Variants in PSD3 observed in about 807,000 individuals in gnomAD.
PSD3 encodes the protein PH and SEC7 domain-containing protein 3.
A neutral mutation model predicts 105.5 loss-of-function variants in PSD3; 49 were observed. The ratio of observed to expected loss-of-function variants is 0.46; its 90% CI spans 0.37 to 0.59. The LOEUF is 0.59. Among genes scored for constraint, PSD3 ranks in the 20% least tolerant of loss-of-function variants. The pLI is 0.00. For missense variants in PSD3, 1,561 were observed against 1,263.8 expected (o/e 1.24, Z -3.57); for synonymous variants, 557 against 457.8 (o/e 1.22, Z -2.77).
At chr8:18,866,969 C>T (rs749676622) in intron 4 of PSD3, among the ~76,000 whole-genome samples, 3 of 151,900 alleles carry the variant, frequency 2.0e-5, no homozygotes, top group Non-Finnish European at 2.9e-5. Context: ...CTGAGGATGA[C>T]GAGCATGAAG....
intron 9 of PSD3, among the ~76,000 whole-genome samples, chr8:18,728,909 T>C (rs1397521658): frequency 6.6e-6 from 1 of 152,202 alleles, no homozygotes; most frequent in African/African-American, 2.4e-5. Flanking sequence ...CACATGTCAG[T>C]TCTGCTTCTC....
chr8:18,820,926 T>C (rs950760132), intron 4 of PSD3, among the ~76,000 whole-genome samples: 2 of 152,226 alleles, frequency 1.3e-5, no homozygotes, highest in East Asian at 3.9e-4. Context: ...ATTTTTAAAA[T>C]GTTTGTAGAC....
In PSD3 at chr8:18,753,936, G is replaced by A. The variant is rs144436749; in HGVS notation, c.2172+11513C>T. ...AAAACAACTCCAGATGTACCATTTG[G>A]AGACCTAGTGCCCTTTAAGGTTGCA... On this transcript the variant is annotated intron_variant, in intron 9 of 15. Coordinates refer to ENST00000327040, the MANE Select transcript of PSD3 (RefSeq NM_015310.4). Among the ~76,000 whole-genome samples the A allele has an allele frequency of 7.2e-3, 1,101 of 152,222 alleles. 12 individuals are homozygous for A. The highest frequency in any genetic ancestry group is 0.024 in the Middle Eastern group (7 of 294).
chr8:18,946,305 G>A (rs1251370440), intron 1 of PSD3, among the ~76,000 whole-genome samples: 7 of 152,142 alleles, frequency 4.6e-5, no homozygotes, highest in African/African-American at 1.4e-4. Flanking sequence ...GGCCAGGTGC[G>A]GTGGCTCATG....
At chr8:18,869,251 G>A (rs967131544) in intron 3 of PSD3, among the ~76,000 whole-genome samples, 5 of 148,022 alleles carry the variant, frequency 3.4e-5, no homozygotes, top group Non-Finnish European at 7.4e-5. Flanking sequence ...GTGCATTGGT[G>A]CAATCTCGGC....
intron 4 of PSD3, among the ~76,000 whole-genome samples, chr8:18,848,197 A>AT (rs1815255278): frequency 6.6e-6 from 1 of 152,212 alleles, no homozygotes; most frequent in Non-Finnish European, 1.5e-5. Context: ...AAAAGAAGGC[A>AT]TTCACTGTTT....
chr8:19,031,136 T>C (rs918554365), intron 1 of PSD3, among the ~76,000 whole-genome samples: 2 of 152,182 alleles, frequency 1.3e-5, no homozygotes, highest in African/African-American at 4.8e-5. Context: ...ATCTGCATTC[T>C]CCTCTCTGTC....
intron 9 of PSD3, among the ~76,000 whole-genome samples, chr8:18,731,547 T>C (rs543414817): frequency 4.6e-5 from 7 of 152,298 alleles, no homozygotes; most frequent in African/African-American, 1.7e-4. Flanking sequence ...GGAAAGGAAT[T>C]GCTAGGCAGA....
chr8:18,873,295 C>A (rs1390311278), intron 2 of PSD3, among the ~76,000 whole-genome samples: 1 of 152,074 alleles, frequency 6.6e-6, no homozygotes, highest in Admixed American at 6.5e-5. Context: ...TTCAAAACAT[C>A]CCTGAAAAAT....
At chr8:18,851,200 A>G (rs1815533262) in intron 4 of PSD3, among the ~76,000 whole-genome samples, 1 of 152,194 alleles carries the variant, frequency 6.6e-6, no homozygotes. Context: ...TTTCATCCTC[A>G]CAATAGTCCC....
chr8:18,779,384 C>G (rs1057307466), intron 8 of PSD3, among the ~76,000 whole-genome samples: 9 of 146,558 alleles, frequency 6.1e-5, no homozygotes, highest in African/African-American at 2.2e-4. Flanking sequence ...TTTATTCTCT[C>G]AAAAAAAAAA....
chr8:18,570,947 C>A (rs1485454571), intron 14 of PSD3, among the ~76,000 whole-genome samples: 2 of 151,812 alleles, frequency 1.3e-5, no homozygotes, highest in Non-Finnish European at 2.9e-5. Flanking sequence ...GCAACCTCAG[C>A]CTCCTGGGTT....
At chr8:18,900,044 T>A (rs1443902675) in intron 2 of PSD3, among the ~76,000 whole-genome samples, 1 of 152,200 alleles carries the variant, frequency 6.6e-6, no homozygotes, top group Non-Finnish European at 1.5e-5. Context: ...CAGGCAGATA[T>A]CCATTCTTCT....
intron 1 of PSD3, among the ~76,000 whole-genome samples, chr8:18,949,834 C>T (rs1823126976): frequency 6.6e-6 from 1 of 151,976 alleles, no homozygotes; most frequent in Non-Finnish European, 1.5e-5. Flanking sequence ...CATCAGTTCT[C>T]AGACGAATAA....
intron 1 of PSD3, among the ~76,000 whole-genome samples, chr8:18,980,457 T>C (rs1825194601): frequency 6.6e-6 from 1 of 152,106 alleles, no homozygotes; most frequent in African/African-American, 2.4e-5. Flanking sequence ...GGTTGGTTCG[T>C]TGGTTGGTTG....
chr8:18,619,762 C>G (rs1217629762), intron 11 of PSD3, among the ~76,000 whole-genome samples: 1 of 152,136 alleles, frequency 6.6e-6, no homozygotes, highest in Non-Finnish European at 1.5e-5. Flanking sequence ...GGCTTACTCC[C>G]CAACCTGACT....
At chr8:18,934,061 T>C (rs974681444) in intron 2 of PSD3, among the ~76,000 whole-genome samples, 1 of 152,216 alleles carries the variant, frequency 6.6e-6, no homozygotes, top group Non-Finnish European at 1.5e-5. Context: ...ATCTAATAAA[T>C]ATTCACTTTT....
intron 9 of PSD3, among the ~76,000 whole-genome samples, chr8:18,738,153 G>A (rs1193284213): frequency 2.0e-5 from 3 of 152,150 alleles, no homozygotes; most frequent in Admixed American, 6.5e-5. Flanking sequence ...CCACAGCTCA[G>A]CCTCTACATC....
rs148355178 is a variant in PSD3, at chr8:18,768,137, AT to A, written c.2083-2600del. 7.3e-4 allele frequency among the ~76,000 whole-genome samples: 105 copies of A among 143,982 alleles called. 1 individual carries two copies. The highest frequency in any genetic ancestry group is 3.5e-3 in the Middle Eastern group (1 of 286). 94.5% of individuals were successfully genotyped at this position (143,982 alleles called of 152,430 possible). A position where few individuals can be genotyped will look rare whatever the true frequency, so the allele number is the denominator to read the frequency against. The stretch of plus-strand genomic sequence containing the variant: ...AATACAAAAAAAAAAAAAAAAAAAA[AT>A]AGCCGGATGTCATGGCGGGCGCCTG... On this transcript the variant is annotated intron_variant, in intron 8 of 15. Coordinates refer to ENST00000327040, the MANE Select transcript of PSD3 (RefSeq NM_015310.4).
Sources: gnomAD v4.1 joint callset for allele counts (sites outside exome capture counted in the v4.1 genomes callset) on GRCh38, gnomAD v4.1.1 for gene constraint, MANE v1.5 for transcripts, NCBI Gene and HGNC (gene_info 2026-07-23, HGNC 2026-07-21) for gene names.